The following FLG2 variants were observed in gnomAD, a reference collection of about 807,000 sequenced individuals.
FLG2 encodes filaggrin-2.
Under a neutral mutation model 3.9 loss-of-function variants are expected in FLG2, and 7 were observed. The observed-to-expected ratio is 1.79, with a 90% CI of 1.02 to 3.36. The LOEUF (loss-of-function observed/expected upper bound fraction) is 3.36, where lower values mean the gene tolerates loss of function less well. Among genes scored for constraint, FLG2 ranks in the 30% most tolerant of loss-of-function variants. FLG2 has a pLI of 0.00. For synonymous variants in FLG2, 1,031 were observed against 1,056.1 expected (o/e 0.98, Z 0.46); for missense variants, 2,700 against 2,809.4 (o/e 0.96, Z 0.88).
In FLG2 at chr1:152,350,702, C is replaced by T; in HGVS notation, c.7084G>A (p.Gly2362Arg). The change falls in exon 3 of 3, where the codon GGG (glycine) becomes AGG (arginine). Residue 2362 changes from glycine to arginine, a missense_variant. Coordinates refer to ENST00000388718, the MANE Select transcript of FLG2 (RefSeq NM_001014342.3). Reference protein sequence around the residue: ...AEYDYGHTGYGPSGGSRKSIS... With the variant: ...AEYDYGHTGYRPSGGSRKSIS... ...CTTTTTCTGCTGCCACCAGAAGGCC[C>T]ATACCCAGTGTGCCCATAGTCATAT... 1 of 1,614,200 alleles carries T rather than the reference C, an allele frequency of 6.2e-7. No homozygotes were observed. Among genetic ancestry groups the T allele is most frequent in the South Asian group, 1.1e-5 (1 of 91,080 alleles).
Position 152,354,635 on chromosome 1 carries a change from A to C in FLG2, c.3151T>G (p.Phe1051Val), listed in dbSNP as rs745636321. Reference protein sequence around the residue: ...HGSGSDQSSGFGQHGTGSGQS... With the variant: ...HGSGSDQSSGVGQHGTGSGQS... Reference sequence around the variant, plus strand: ...CCTGAACCAGTCCCATGTTGTCCAAAGCCAGAGGACTGATCTGAGCCTGAT... The same window carrying C: ...CCTGAACCAGTCCCATGTTGTCCAACGCCAGAGGACTGATCTGAGCCTGAT... The change falls in exon 3 of 3, where the codon TTT becomes GTT. Residue 1051 changes from phenylalanine (F) to valine (V), a missense_variant. By Grantham distance (50) the Phe-to-Val change is conservative. Coordinates refer to ENST00000388718, the MANE Select transcript of FLG2 (RefSeq NM_001014342.3). The C allele has an allele frequency of 1.2e-6, 2 of 1,614,098 alleles. No individual in the cohort carries two copies. The highest frequency in any genetic ancestry group is 1.7e-6 in the Non-Finnish European group (2 of 1,180,036).
rs758463815 is a variant in FLG2, at chr1:152,356,514, A to G, written c.1272T>C (p.Ser424=). The G allele has an allele frequency of 6.2e-6, 10 of 1,614,140 alleles. No homozygotes were observed. The highest frequency in any genetic ancestry group is 1.7e-6 in the Non-Finnish European group (2 of 1,180,046). ...CATGTTGTTCAAAGCTAGTAGACTG[A>G]CTTGAACCAGACCCATATTGATCAC... ...SKCDQYGSGS[S]QSTSFEQHGT... is the part of the protein sequence containing the mutation. Residue 424 remains serine, a synonymous_variant, in exon 3 of 3, where the codon AGT becomes AGC. Coordinates refer to ENST00000388718, the MANE Select transcript of FLG2 (RefSeq NM_001014342.3).
In FLG2 at chr1:152,353,670, T is replaced by C. The variant is rs1269652212; in HGVS notation, c.4116A>G (p.Gln1372=). Residue 1372 remains glutamine, a synonymous_variant, in exon 3 of 3, where the codon CAA becomes CAG. Transcript: ENST00000388718. ...RPHSQEQTHS[Q]AGSQHGESES... is the part of the protein sequence containing the mutation. ...CTGACTCTCCATGTTGAGATCCAGCTTGGCTGTGAGTTTGTTCTTGTGAGT... is the reference window on the plus strand; with the variant it reads ...CTGACTCTCCATGTTGAGATCCAGCCTGGCTGTGAGTTTGTTCTTGTGAGT... 1 of 1,614,046 alleles carries C rather than the reference T, an allele frequency of 6.2e-7. No homozygotes were observed. Among genetic ancestry groups the C allele is most frequent in the Non-Finnish European group, 8.5e-7 (1 of 1,179,992 alleles).
In FLG2 at chr1:152,351,560, T is replaced by C; in HGVS notation, c.6226A>G (p.Thr2076Ala). ...HERHGTTHGQTGDTTRHAHSG... is the reference protein window; with the variant it reads ...HERHGTTHGQAGDTTRHAHSG... ...TGAGCATGTCTAGTGGTATCTCCTG[T>C]CTGTCCATGAGTAGTTCCGTGTCTC... Residue 2076 changes from threonine (T) to alanine (A), a missense_variant, in exon 3 of 3, where the codon ACA (threonine) becomes GCA (alanine). Transcript: ENST00000388718. 6.2e-7 allele frequency: 1 copy of C among 1,612,470 alleles called. No homozygotes were observed.
At chr1:152,358,637 A>G (rs1654338198) in intron 2 of FLG2, 110 bp downstream of exon 2, 2 of 1,029,984 alleles carry the variant, frequency 1.9e-6, no homozygotes, top group African/African-American at 1.6e-5. Flanking sequence ...TACCACTCAT[A>G]GAGTTTGCTT....
chr1:152,358,878 C>G lies in FLG2; in HGVS notation c.7G>C (p.Asp3His). 6.2e-7 allele frequency: 1 copy of G among 1,611,236 alleles called. No homozygotes were observed. The highest frequency in any genetic ancestry group is 8.5e-7 in the Non-Finnish European group (1 of 1,179,076). The part of the protein sequence containing the change: MT[D>H]LLRSVVTVID... ...ACGGTGACAACACTTCTCAAGAGGT[C>G]GGTCATCTTTTTGCAAGTTTAAGTG... Residue 3 changes from aspartate (D) to histidine (H), a missense_variant, in exon 2 of 3, where the codon GAC becomes CAC. Coordinates refer to ENST00000388718, the MANE Select transcript of FLG2 (RefSeq NM_001014342.3).
In FLG2 at chr1:152,357,173, T is replaced by C. The variant is rs761685670; in HGVS notation, c.613A>G (p.Arg205Gly). 122 of 1,614,178 alleles carry C rather than the reference T, an allele frequency of 7.6e-5. No individual in the cohort carries two copies. Among genetic ancestry groups the C allele is most frequent in the Non-Finnish European group, 1.0e-4 (121 of 1,180,022 alleles). ...ATGTGTGACTTGTTTATTCTTTCTC[T>C]CAGTTCTACAGAGCTGGAACCATGT... ...DRHGSSSVEL[R>G]ERINKSHISP... Residue 205 changes from arginine to glycine, a missense_variant, in exon 3 of 3, where the codon AGA becomes GGA. Transcript: ENST00000388718.
rs1398261775 is a variant in FLG2 at position 152,356,977 on chromosome 1, G to T, written c.809C>A (p.Ser270Ter). ...ATGACTTCGCCTCCCACTGTCTCCT[G>T]AACCTGAACAGCTAGACCCAAGCTT... ...EQKLGSSCSG[S>*]GDSGRRSHAC... is the part of the protein sequence containing the mutation. Residue 270 changes from serine to a stop codon, truncating the protein, a stop_gained, in exon 3 of 3, where the codon TCA becomes TAA. Transcript: ENST00000388718. LOFTEE classifies it low-confidence loss of function (END_TRUNC). 6.2e-7 allele frequency: 1 copy of T among 1,614,174 alleles called. No homozygotes were observed. Among genetic ancestry groups the T allele is most frequent in the Non-Finnish European group, 8.5e-7 (1 of 1,180,034 alleles).
In FLG2 at chr1:152,350,860, T is replaced by C; in HGVS notation, c.6926A>G (p.His2309Arg). The change falls in exon 3 of 3, where the codon CAT (histidine) becomes CGT (arginine). Residue 2309 changes from histidine (H) to arginine (R), a missense_variant. His to Arg is a conservative substitution (Grantham distance 29). Coordinates refer to ENST00000388718, the MANE Select transcript of FLG2 (RefSeq NM_001014342.3). ...GQTGDTTRHG[H>R]SGYGQSTQTG... The stretch of plus-strand genomic sequence containing the variant: ...CTGTGTGGATTGTCCATAACCAGAA[T>C]GGCCATGTCTAGTGGTATCTCCTGT... 1.2e-6 allele frequency: 2 copies of C among 1,614,198 alleles called. No individual in the cohort carries two copies. Among genetic ancestry groups the C allele is most frequent in the Admixed American group, 1.7e-5 (1 of 60,018 alleles).
intron 2 of FLG2, 141 bp downstream of exon 2, chr1:152,358,606 G>T: frequency 1.3e-6 from 1 of 741,636 alleles, no homozygotes; most frequent in Non-Finnish European, 2.1e-6. Context: ...TGCTTTAACA[G>T]ACTTTCTGGC....
rs751358533 is a variant in FLG2, at chr1:152,355,620, G to T, written c.2166C>A (p.His722Gln). 14 of 1,609,274 alleles carry T rather than the reference G, an allele frequency of 8.7e-6. No individual in the cohort carries two copies. The Admixed American group carries it at 2.0e-4, about 23-fold the overall frequency. ...SSGQTSGFGQ[H>Q]ELSSGQSSSF... ...TGGAAGACTGACCTGAGCTTAACTC[G>T]TGTTGTCCAAATCCAGATGTCTGTC... Residue 722 changes from histidine (H) to glutamine (Q), a missense_variant, in exon 3 of 3, where the codon CAC (histidine) becomes CAA (glutamine). By Grantham distance (24) the His-to-Gln change is conservative (BLOSUM62 0). Coordinates refer to ENST00000388718, the MANE Select transcript of FLG2 (RefSeq NM_001014342.3).
At position 152,353,979 on chromosome 1, in the gene FLG2, T is replaced by A. The variant is rs1166626310; in HGVS notation, c.3807A>T (p.Arg1269Ser). The change falls in exon 3 of 3, where the codon AGA (arginine) becomes AGT (serine). Residue 1269 changes from arginine to serine, a missense_variant. Physicochemically the swap from Arg to Ser is moderately radical, Grantham distance 110. Transcript: ENST00000388718. ...QTGSRVTRRR[R>S]SSQSENSDSE... ...TGTCACTGTTCTCACTTTGGCTAGA[T>A]CTTCGTCTTCTAGTTACCCTGGACC... is the stretch of plus-strand genomic sequence containing the variant. The A allele has an allele frequency of 6.2e-7, 1 of 1,614,232 alleles. No homozygotes were observed. The highest frequency in any genetic ancestry group is 1.7e-5 in the Admixed American group (1 of 60,032).
rs1209220697 is a variant in FLG2 at position 152,353,320 on chromosome 1, C to G, written c.4466G>C (p.Arg1489Thr). 6.2e-7 allele frequency: 1 copy of G among 1,611,902 alleles called. No individual in the cohort carries two copies. Among genetic ancestry groups the G allele is most frequent in the East Asian group, 2.2e-5 (1 of 44,718 alleles). Residue 1489 changes from arginine to threonine, a missense_variant, in exon 3 of 3, where the codon AGA becomes ACA. Arg to Thr is a moderately conservative substitution (Grantham distance 71). Transcript: ENST00000388718. ...AHYHHGKSTQ[R>T]GSSTTGRRGS... The stretch of plus-strand genomic sequence containing the variant: ...CCTTCTTCCAGTTGTACTGGACCCT[C>G]TCTGTGTGGATTTTCCATGATGATA...
Position 152,357,142 on chromosome 1 carries a change from G to A in FLG2, c.644C>T (p.Pro215Leu). The stretch of plus-strand genomic sequence containing the variant: ...ATACTCCTCCCCAGATTCCCTAGAA[G>A]GGCTAATGTGTGACTTGTTTATTCT... ...RERINKSHIS[P>L]SRESGEEYES... The change falls in exon 3 of 3, where the codon CCT becomes CTT. Residue 215 changes from proline to leucine, a missense_variant. Transcript: ENST00000388718. 6.2e-7 allele frequency: 1 copy of A among 1,614,144 alleles called. No individual in the cohort carries two copies. Among genetic ancestry groups the A allele is most frequent in the South Asian group, 1.1e-5 (1 of 91,062 alleles).
chr1:152,350,271 G>T lies in FLG2; in HGVS notation c.*339C>A. 1 of 281,004 alleles carries T rather than the reference G, an allele frequency of 3.6e-6. No individual in the cohort carries two copies. The highest frequency in any genetic ancestry group is 6.3e-5 in the South Asian group (1 of 15,946). 17.4% of individuals were successfully genotyped at this position (281,004 alleles called of 1,614,324 possible). On this transcript the variant is annotated 3_prime_UTR_variant, in exon 3 of 3. Coordinates refer to ENST00000388718, the MANE Select transcript of FLG2 (RefSeq NM_001014342.3). ...CTGAATGCTTTTTGTTATCAGTATG[G>T]GATTCCTGTTTTCTGATTGAACTAG...
Position 152,350,874 on chromosome 1 carries a change from G to T in FLG2, c.6912C>A (p.Thr2304=). ...LETTHGQTGD[T]TRHGHSGYGQ... ...CATAACCAGAATGGCCATGTCTAGT[G>T]GTATCTCCTGTCTGTCCATGAGTAG... The change falls in exon 3 of 3, where the codon ACC becomes ACA. Residue 2304 remains threonine (T), a synonymous_variant. Transcript: ENST00000388718. The T allele has an allele frequency of 6.8e-6, 11 of 1,614,118 alleles. No individual in the cohort carries two copies. Among genetic ancestry groups the T allele is most frequent in the Non-Finnish European group, 9.3e-6 (11 of 1,180,030 alleles).
At position 152,356,665 on chromosome 1, in the gene FLG2, G is replaced by A. The variant is rs140523312; in HGVS notation, c.1121C>T (p.Ser374Leu). The change falls in exon 3 of 3, where the codon TCA becomes TTA. Residue 374 changes from serine (S) to leucine (L), a missense_variant. By Grantham distance (145) the Ser-to-Leu change is moderately radical. Transcript: ENST00000388718. ...QNCGGQWRTGSSQSSCCGQYG... is the reference protein window; with the variant it reads ...QNCGGQWRTGLSQSSCCGQYG... ...TTGTCCACAGCAAGAGGACTGACTT[G>A]AGCCTGTTCTCCATTGTCCTCCACA... is the stretch of plus-strand genomic sequence containing the variant. 8.7e-6 allele frequency: 14 copies of A among 1,614,180 alleles called. No homozygotes were observed. Among genetic ancestry groups the A allele is most frequent in the Middle Eastern group, 1.6e-4 (1 of 6,062 alleles).
chr1:152,352,534 T>C lies in FLG2; in HGVS notation c.5252A>G (p.Gln1751Arg). 6.2e-7 allele frequency: 1 copy of C among 1,613,920 alleles called. No individual in the cohort carries two copies. Among genetic ancestry groups the C allele is most frequent in the Non-Finnish European group, 8.5e-7 (1 of 1,179,940 alleles). Residue 1751 changes from glutamine to arginine, a missense_variant, in exon 3 of 3, where the codon CAA (glutamine) becomes CGA (arginine). Coordinates refer to ENST00000388718, the MANE Select transcript of FLG2 (RefSeq NM_001014342.3). ...TGACTCTCCATGTTGAGATCTGGCT[T>C]GGCCATGAGTGTGTCCTGAATGTGT... ...SHTHSGHTHG[Q>R]ARSQHGESES...
Position 152,353,786 on chromosome 1 carries a change from G to T in FLG2, c.4000C>A (p.Gln1334Lys). Residue 1334 changes from glutamine (Q) to lysine (K), a missense_variant, in exon 3 of 3, where the codon CAG (glutamine) becomes AAG (lysine). Transcript: ENST00000388718. ...HGHSGHGQSTQTGSRTSGRQR... is the reference protein window; with the variant it reads ...HGHSGHGQSTKTGSRTSGRQR... Reference sequence around the variant, plus strand: ...CTTCCAGATGTTCTGGAACCTGTCTGTGTAGACTGTCCATGACCAGAATGG... The same window carrying T: ...CTTCCAGATGTTCTGGAACCTGTCTTTGTAGACTGTCCATGACCAGAATGG... 6.2e-7 allele frequency: 1 copy of T among 1,614,068 alleles called. No homozygotes were observed. The highest frequency in any genetic ancestry group is 8.5e-7 in the Non-Finnish European group (1 of 1,179,986).
Sources: allele counts gnomAD v4.1 joint callset, GRCh38; gene constraint gnomAD v4.1.1; transcripts MANE v1.5; gene names NCBI Gene and HGNC (gene_info 2026-07-23, HGNC 2026-07-21).